The following BMX variants were observed in gnomAD, a reference collection of about 807,000 sequenced individuals.
BMX encodes BMX non-receptor tyrosine kinase, also known as cytoplasmic tyrosine-protein kinase BMX.
A neutral mutation model predicts 59.2 loss-of-function variants in BMX; 31 were observed. The ratio of observed to expected loss-of-function variants is 0.52; its 90% confidence interval spans 0.39 to 0.71. BMX has a LOEUF of 0.71. Ranked by LOEUF, BMX falls within the 30% of genes least tolerant of loss-of-function variation. BMX has a pLI of 0.00. For missense variants in BMX, 474 were observed against 491.7 expected, an observed-to-expected ratio of 0.96 and a Z score of 0.34; for synonymous variants, 185 against 181.0, an observed-to-expected ratio of 1.02 and a Z score of -0.18.
chrX:15,536,868 C>A (rs1925383188), intron 13 of BMX, among the ~76,000 whole-genome samples: 1 of 111,299 alleles, frequency 9.0e-6, no homozygotes. Flanking sequence ...CTCCAAGATG[C>A]CTCTGATTGG....
intron 17 of BMX, among the ~76,000 whole-genome samples, chrX:15,548,821 A>G (rs768623837): frequency 8.9e-6 from 1 of 112,272 alleles, no homozygotes; most frequent in African/African-American, 3.2e-5. Context: ...AAAAGAAAAA[A>G]GCAGCCATAA....
At position 15,511,531 on chromosome X, in the gene BMX, A is replaced by G. The variant is rs1273766087; in HGVS notation, c.325+13A>G. 1 of 1,187,238 alleles carries G rather than the reference A, an allele frequency of 8.4e-7. No individual in the cohort carries two copies. The highest frequency in any genetic ancestry group is 1.9e-5 in the South Asian group (1 of 53,689). ...GCATTACAAAAAGGTAATTCAAAAA[A>G]AGAAATGTTGAAAGAGAAAGGTCAA... On this transcript the variant is annotated intron_variant, in intron 4 of 18. Transcript: ENST00000348343.
At chrX:15,512,220 T>C (rs968541255) in intron 4 of BMX, among the ~76,000 whole-genome samples, 4 of 111,926 alleles carry the variant, frequency 3.6e-5, no homozygotes, top group African/African-American at 1.3e-4. Context: ...AGAATCATTG[T>C]TAATGATTTG....
chrX:15,529,481 A>T (rs930911237), intron 9 of BMX, among the ~76,000 whole-genome samples: 7 of 112,629 alleles, frequency 6.2e-5, no homozygotes, highest in African/African-American at 2.3e-4. Context: ...GGCCACAGAC[A>T]TTATTGCCCT....
chrX:15,513,876 T>C (rs1177701551), intron 4 of BMX, among the ~76,000 whole-genome samples: 1 of 111,931 alleles, frequency 8.9e-6, no homozygotes, highest in Non-Finnish European at 1.9e-5. Flanking sequence ...TCTCTGCACT[T>C]CAGTTTACCT....
At chrX:15,516,677 A>T (rs1205366773) in intron 5 of BMX, among the ~76,000 whole-genome samples, 7 of 110,244 alleles carry the variant, frequency 6.3e-5, no homozygotes, top group Admixed American at 1.9e-4. Flanking sequence ...ACATTATTAA[A>T]AAAAAAAAAG....
intron 18 of BMX, among the ~76,000 whole-genome samples, chrX:15,551,033 T>C (rs185821564): frequency 3.6e-3 from 398 of 111,146 alleles, no homozygotes; most frequent in Non-Finnish European, 4.9e-3. Flanking sequence ...GGTGCTATCG[T>C]TGGAAGGGCT....
At chrX:15,523,875 T>A (rs1240826159) in intron 7 of BMX, among the ~76,000 whole-genome samples, 1 of 112,053 alleles carries the variant, frequency 8.9e-6, no homozygotes, top group Non-Finnish European at 1.9e-5. Context: ...AACTGTGGAT[T>A]TTCCCTAGAA....
intron 11 of BMX, among the ~76,000 whole-genome samples, 194 bp downstream of exon 11, chrX:15,531,601 A>G (rs938545483): frequency 1.8e-5 from 2 of 110,931 alleles, no homozygotes; most frequent in Non-Finnish European, 3.8e-5. Flanking sequence ...TTGCCCCACT[A>G]CTTTCAAGAG....
chrX:15,507,672 A>C (rs1462747772), intron 1 of BMX, among the ~76,000 whole-genome samples: 1 of 112,109 alleles, frequency 8.9e-6, no homozygotes, highest in African/African-American at 3.2e-5. Context: ...TTTTGGGATA[A>C]AAAGGAAGAG....
At chrX:15,531,469 C>A in intron 11 of BMX, 62 bp downstream of exon 11, 1 of 932,749 alleles carries the variant, frequency 1.1e-6, no homozygotes, top group South Asian at 2.2e-5. Flanking sequence ...ATATGCTGGT[C>A]ACAATCACAT....
chrX:15,510,722 A>G (rs866924187), intron 3 of BMX, among the ~76,000 whole-genome samples: 1 of 112,196 alleles, frequency 8.9e-6, no homozygotes. Context: ...AGTTGAAATA[A>G]GATTAAAATA....
chrX:15,551,991 T>C (rs188512564), intron 18 of BMX, among the ~76,000 whole-genome samples: 80 of 112,022 alleles, frequency 7.1e-4, no homozygotes, highest in Admixed American at 6.8e-3. Flanking sequence ...ACATAGAAGA[T>C]TGGTCTTCTG....
intron 5 of BMX, 110 bp from the exon 6 acceptor site, chrX:15,517,819 T>C: frequency 3.1e-6 from 2 of 645,657 alleles, no homozygotes; most frequent in Non-Finnish European, 4.9e-6. Context: ...ATTCACTTAA[T>C]CTGGAGTATT....
In BMX at chrX:15,509,407, C is replaced by T; in HGVS notation, c.217C>T (p.Pro73Ser). ...VEKVNLEEQT[P>S]VERQYPFQIV... ...GAAAGTAAATCTCGAGGAGCAGACG[C>T]CTGTAGAGAGACAGTACCCATTTCA... is the stretch of plus-strand genomic sequence containing the variant. The change falls in exon 3 of 19, where the codon CCT (proline) becomes TCT (serine). Residue 73 changes from proline (P) to serine (S), a missense_variant. Physicochemically the swap from Pro to Ser is moderately conservative, Grantham distance 74 (BLOSUM62 -1). Coordinates refer to ENST00000348343, the MANE Select transcript of BMX (RefSeq NM_203281.3). 1 of 1,204,211 alleles carries T rather than the reference C, an allele frequency of 8.3e-7. No individual in the cohort carries two copies. Among genetic ancestry groups the T allele is most frequent in the Non-Finnish European group, 1.1e-6 (1 of 890,677 alleles).
At chrX:15,513,139 C>A (rs1279660861) in intron 4 of BMX, among the ~76,000 whole-genome samples, 1 of 112,153 alleles carries the variant, frequency 8.9e-6, no homozygotes, top group Non-Finnish European at 1.9e-5. Flanking sequence ...GTTGCTGAAA[C>A]AAATCCACTT....
In BMX at chrX:15,509,342, G is replaced by A; in HGVS notation, c.152G>A (p.Arg51Lys). The change falls in exon 3 of 19, where the codon AGA (arginine) becomes AAA (lysine). Residue 51 changes from arginine (R) to lysine (K), a missense_variant. By Grantham distance (26) the Arg-to-Lys change is conservative (BLOSUM62 2). Transcript: ENST00000348343. ...YEYDKMKRGSRKGSIEIKKIR... is the reference protein window; with the variant it reads ...YEYDKMKRGSKKGSIEIKKIR... Reference sequence around the variant, plus strand: ...TTTTTAATTCAGAAAAGGGGCAGCAGAAAAGGATCCATTGAAATTAAGAAA... The same window carrying A: ...TTTTTAATTCAGAAAAGGGGCAGCAAAAAAGGATCCATTGAAATTAAGAAA... 4.2e-6 allele frequency: 5 copies of A among 1,204,300 alleles called. No homozygotes were observed. The highest frequency in any genetic ancestry group is 5.6e-6 in the Non-Finnish European group (5 of 892,069).
At chrX:15,502,251 C>T (rs977344582) in intron 1 of BMX, among the ~76,000 whole-genome samples, 11 of 111,735 alleles carry the variant, frequency 9.8e-5, no homozygotes, top group Non-Finnish European at 1.9e-4. Flanking sequence ...TTGCACTAAC[C>T]GGCATCATGA....
chrX:15,542,261 T>TG, intron 15 of BMX, 63 bp downstream of exon 15: 1 of 1,071,219 alleles, frequency 9.3e-7, no homozygotes, highest in Non-Finnish European at 1.3e-6. Context: ...CTTCTGGAGA[T>TG]GGGGTCACTG....
Sources: gnomAD v4.1 joint callset for allele counts (sites outside exome capture counted in the v4.1 genomes callset) on GRCh38, gnomAD v4.1.1 for gene constraint, MANE v1.5 for transcripts, NCBI Gene and HGNC (gene_info 2026-07-23, HGNC 2026-07-21) for gene names.